Variants in TRPM8 observed in about 807,000 individuals in gnomAD.
TRPM8 encodes TRPM8 cationic channel.
In TRPM8, 110 loss-of-function variants were observed where a neutral mutation model predicts 133.7. That is an observed-to-expected ratio of 0.82 (90% CI 0.70 to 0.96). The LOEUF is 0.96. Ranked by LOEUF, TRPM8 falls within the 40% of genes least tolerant of loss-of-function variation. The pLI is 0.00. For synonymous variants in TRPM8, 535 were observed against 532.3 expected (o/e 1.01, Z -0.07); for missense variants, 1,291 against 1,379.5 (o/e 0.94, Z 1.02).
chr2:234,006,089 T>C (rs1366780385), intron 22 of TRPM8, among the ~76,000 whole-genome samples: 1 of 152,182 alleles, frequency 6.6e-6, no homozygotes, highest in East Asian at 1.9e-4. Context: ...TGAATACATT[T>C]AAATGGTAAC....
intron 24 of TRPM8, chr2:234,013,549 T>C (rs572566357): frequency 2.0e-5 from 3 of 152,314 alleles, no homozygotes; most frequent in South Asian, 2.1e-4. Flanking sequence ...GTTGATTTTG[T>C]TTATCTTTTC....
intron 17 of TRPM8, among the ~76,000 whole-genome samples, chr2:233,972,423 C>T (rs1457623304): frequency 7.9e-5 from 12 of 152,386 alleles, no homozygotes; most frequent in Admixed American, 3.3e-4. Flanking sequence ...GATCCCGCAC[C>T]GCGGCTGCAG....
At chr2:234,007,586 G>A (rs146769769) in intron 23 of TRPM8, among the ~76,000 whole-genome samples, 4 of 152,298 alleles carry the variant, frequency 2.6e-5, no homozygotes, top group East Asian at 1.9e-4. Flanking sequence ...AAATGTTAAC[G>A]TTCTTCACTG....
In TRPM8 at chr2:234,011,789, C is replaced by T. The variant is rs542767366; in HGVS notation, c.3265-2773C>T. Among the ~76,000 whole-genome samples, 9 of 151,740 alleles carry T rather than the reference C, an allele frequency of 5.9e-5. No individual in the cohort carries two copies. In the South Asian group the frequency reaches 8.3e-4, roughly 14 times the overall value. On this transcript the variant is annotated intron_variant, in intron 24 of 25. Transcript: ENST00000324695. ...AAAATTAGCCGGGTGTGGTGGCAGG[C>T]ACCTGTAGTCCCAGCTACTCTGGAG...
intron 10 of TRPM8, among the ~76,000 whole-genome samples, chr2:233,954,275 G>A (rs2125144292): frequency 6.6e-6 from 1 of 152,264 alleles, no homozygotes; most frequent in Non-Finnish European, 1.5e-5. Flanking sequence ...TCTCCAAAGA[G>A]CTATTTCTAA....
At chr2:233,929,450 G>A (rs926540540) in intron 2 of TRPM8, among the ~76,000 whole-genome samples, 2 of 152,206 alleles carry the variant, frequency 1.3e-5, no homozygotes, top group Non-Finnish European at 2.9e-5. Flanking sequence ...TGCATGGCTG[G>A]TGGTAGCCTT....
At chr2:233,942,519 A>G in intron 5 of TRPM8, 57 bp from the exon 6 acceptor site, 1 of 1,587,658 alleles carries the variant, frequency 6.3e-7, no homozygotes, top group Non-Finnish European at 8.6e-7. Flanking sequence ...CTGTGAGCCC[A>G]GAATGGAAAC....
chr2:234,016,023 C>T (rs1469001722), intron 25 of TRPM8, among the ~76,000 whole-genome samples: 1 of 152,154 alleles, frequency 6.6e-6, no homozygotes, highest in Non-Finnish European at 1.5e-5. Flanking sequence ...CCTAAATATC[C>T]AGTCTTCTCA....
Position 234,011,714 on chromosome 2 carries a change from C to T in TRPM8, c.3265-2848C>T, listed in dbSNP as rs180930578. ...CAGGTGGATCACAAGGTCAGGAGAT[C>T]GAGACCATCCTGGCTAACACAGGGA... is the stretch of plus-strand genomic sequence containing the variant. On this transcript the variant is annotated intron_variant, in intron 24 of 25. Coordinates refer to ENST00000324695, the MANE Select transcript of TRPM8 (RefSeq NM_024080.5). Among the ~76,000 whole-genome samples, 219 of 151,982 alleles carry T rather than the reference C, an allele frequency of 1.4e-3. 1 individual carries two copies. Among genetic ancestry groups the T allele is most frequent in the African/African-American group, 5.0e-3 (207 of 41,464 alleles).
intron 24 of TRPM8, 65 bp from the exon 25 acceptor site, chr2:234,014,497 A>G (rs1323556620): frequency 3.4e-5 from 34 of 1,006,304 alleles, no homozygotes; most frequent in Admixed American, 6.1e-5. Flanking sequence ...GCACAGAGCG[A>G]TAATTTAAAA....
chr2:234,001,447 C>T (rs1489578246), intron 22 of TRPM8, among the ~76,000 whole-genome samples: 1 of 131,484 alleles, frequency 7.6e-6, no homozygotes, highest in East Asian at 2.2e-4. Flanking sequence ...AGTAGGGGAA[C>T]AAAAGTTAGA....
At chr2:233,980,675 G>C (rs1691983875) in intron 18 of TRPM8, among the ~76,000 whole-genome samples, 1 of 152,178 alleles carries the variant, frequency 6.6e-6, no homozygotes, top group Non-Finnish European at 1.5e-5. Context: ...ATCATGGGGA[G>C]AAATAAATAG....
intron 1 of TRPM8, among the ~76,000 whole-genome samples, chr2:233,920,753 C>G (rs1205322421): frequency 6.6e-6 from 1 of 152,140 alleles, no homozygotes; most frequent in Non-Finnish European, 1.5e-5. Context: ...GTGTACTCTT[C>G]ACCCAGTTCC....
At position 233,996,452 on chromosome 2, in the gene TRPM8, C is replaced by A; in HGVS notation, c.3066C>A (p.Tyr1022Ter). The change falls in exon 22 of 26, where the codon TAC becomes TAA. Residue 1022 changes from tyrosine to a stop codon, truncating the protein, a stop_gained. Coordinates refer to ENST00000324695, the MANE Select transcript of TRPM8 (RefSeq NM_024080.5). LOFTEE classifies it high-confidence loss of function. The part of the protein sequence containing the change: ...PFPFIVFAYF[Y>*]MVVKKCFKCC... ...CCTTCATCGTCTTCGCTTACTTCTA[C>A]ATGGTGGTGAAGAAGTGCTTCAAGT... 2 of 1,614,194 alleles carry A rather than the reference C, an allele frequency of 1.2e-6. No individual in the cohort carries two copies. The highest frequency in any genetic ancestry group is 1.7e-6 in the Non-Finnish European group (2 of 1,180,038).
At chr2:233,983,346 AAC>A (rs1260424633) in intron 20 of TRPM8, 122 bp downstream of exon 20, 2 of 1,115,890 alleles carry the variant, frequency 1.8e-6, no homozygotes, top group South Asian at 2.6e-5. Flanking sequence ...AGTCCAACAT[AAC>A]AGAGTAAAAA....
At chr2:233,971,068 G>A (rs1423816270) in intron 17 of TRPM8, among the ~76,000 whole-genome samples, 1 of 152,190 alleles carries the variant, frequency 6.6e-6, no homozygotes, top group Non-Finnish European at 1.5e-5. Context: ...ATTATGAAAA[G>A]TCATCCCAGA....
rs1381106865 is a variant in TRPM8 at position 234,019,298 on chromosome 2, C to A, written c.*2042C>A. On this transcript the variant is annotated 3_prime_UTR_variant, in exon 26 of 26. Coordinates refer to ENST00000324695, the MANE Select transcript of TRPM8 (RefSeq NM_024080.5). ...AGGGAACTGTTAAATGTTTTCAACC[C>A]AGTTCATCTGGTGGATGTTTTTGCA... 6.6e-6 allele frequency: 1 copy of A among 152,080 alleles called. No individual in the cohort carries two copies. The highest frequency in any genetic ancestry group is 1.5e-5 in the Non-Finnish European group (1 of 68,014). 9.4% of individuals were successfully genotyped at this position (152,080 alleles called of 1,614,324 possible).
chr2:233,984,169 G>A (rs1692084040), intron 20 of TRPM8, among the ~76,000 whole-genome samples: 1 of 152,170 alleles, frequency 6.6e-6, no homozygotes, highest in Non-Finnish European at 1.5e-5. Flanking sequence ...TGTGCTGTGT[G>A]CCCCCGGGAA....
intron 5 of TRPM8, among the ~76,000 whole-genome samples, chr2:233,941,894 G>T (rs189330686): frequency 6.6e-5 from 10 of 152,086 alleles, no homozygotes; most frequent in African/African-American, 2.2e-4. Context: ...CAATATGGGG[G>T]TCCAGGAGCA....
Sources: gnomAD v4.1 joint callset for allele counts (sites outside exome capture counted in the v4.1 genomes callset) on GRCh38, gnomAD v4.1.1 for gene constraint, MANE v1.5 for transcripts, NCBI Gene and HGNC (gene_info 2026-07-23, HGNC 2026-07-21) for gene names.